The following SNX29 variants were observed in gnomAD, a reference collection of about 807,000 sequenced individuals.
SNX29 encodes sorting nexin-29.
SNX29 carries 78 observed loss-of-function variants against 102.1 expected under a neutral mutation model. The ratio of observed to expected loss-of-function variants is 0.76; its 90% confidence interval spans 0.64 to 0.92. The LOEUF is 0.92. Ranked by LOEUF, SNX29 falls within the 40% of genes least tolerant of loss-of-function variation. The pLI, the probability that SNX29 is intolerant of heterozygous loss-of-function variation, is 0.00. For synonymous variants in SNX29, 580 were observed against 414.5 expected (o/e 1.40, Z -4.85); for missense variants, 1,280 against 1,061.7 (o/e 1.21, Z -2.86).
rs564728716 is a variant in SNX29 at position 12,311,462 on chromosome 16, C to T, written c.1782+33426C>T. ...GTCCTCCTTTCCTGGCTCCTGGCTT[C>T]CTCTGCTGGCTGGACTGCACCATGC... On this transcript the variant is annotated intron_variant, in intron 15 of 20. Transcript: ENST00000566228. Among the ~76,000 whole-genome samples, 8 of 152,364 alleles carry T rather than the reference C, an allele frequency of 5.3e-5. No individual in the cohort carries two copies. In the South Asian group the frequency reaches 1.7e-3, roughly 32 times the overall value.
intron 16 of SNX29, among the ~76,000 whole-genome samples, chr16:12,385,203 C>T (rs1229341769): frequency 4.6e-5 from 7 of 152,068 alleles, no homozygotes; most frequent in African/African-American, 9.7e-5. Context: ...TGTGGGGACA[C>T]GGGAGAAGGG....
chr16:12,047,040 A>G (rs1010091862), intron 6 of SNX29, among the ~76,000 whole-genome samples: 6 of 152,156 alleles, frequency 3.9e-5, no homozygotes, highest in Admixed American at 6.5e-5. Context: ...TGGGAGACCT[A>G]CCTTTGAATC....
At chr16:12,514,965 C>G (rs985910702) in intron 19 of SNX29, among the ~76,000 whole-genome samples, 2 of 152,058 alleles carry the variant, frequency 1.3e-5, no homozygotes, top group African/African-American at 2.4e-5. Flanking sequence ...AAAAGCCCCT[C>G]TCTCGATGGG....
At chr16:12,362,398 C>A (rs1423015085) in intron 16 of SNX29, among the ~76,000 whole-genome samples, 1 of 152,160 alleles carries the variant, frequency 6.6e-6, no homozygotes, top group African/African-American at 2.4e-5. Flanking sequence ...CTCCTCCCAG[C>A]CTCCTCCACC....
At chr16:12,359,816 TTTTTA>T (rs1020296513) in intron 16 of SNX29, among the ~76,000 whole-genome samples, 2 of 152,280 alleles carry the variant, frequency 1.3e-5, no homozygotes, top group Non-Finnish European at 1.5e-5. Flanking sequence ...ATCACACCTA[TTTTTA>T]TTTTATTTAT....
rs367728075 is a variant in SNX29 at position 12,078,911 on chromosome 16, A to G, written c.1398A>G (p.Thr466=). The G allele has an allele frequency of 8.8e-5, 141 of 1,601,228 alleles. No individual in the cohort carries two copies. The highest frequency in any genetic ancestry group is 1.2e-4 in the Non-Finnish European group (139 of 1,174,112). Residue 466 remains threonine, a synonymous_variant, in exon 11 of 21, where the codon ACA becomes ACG. Transcript: ENST00000566228. The stretch of plus-strand genomic sequence containing the variant: ...CTGCCTCAGTGCCAGAGTCCATGAC[A>G]ATTAGTAAGTACTTTCGCAGCCCCC... ...LPSASVPESM[T]ISELRQATVA...
chr16:12,407,241 C>G (rs949182835), intron 18 of SNX29, among the ~76,000 whole-genome samples: 6 of 152,216 alleles, frequency 3.9e-5, no homozygotes, highest in Non-Finnish European at 8.8e-5. Flanking sequence ...TCTCTTACCT[C>G]TCATGTCCCT....
intron 3 of SNX29, among the ~76,000 whole-genome samples, chr16:12,009,198 T>C (rs977684375): frequency 2.0e-5 from 3 of 152,038 alleles, no homozygotes; most frequent in African/African-American, 7.2e-5. Context: ...AATAAGTAAA[T>C]AATAGTACAT....
At chr16:12,399,231 T>A (rs1248497033) in intron 17 of SNX29, among the ~76,000 whole-genome samples, 1 of 152,146 alleles carries the variant, frequency 6.6e-6, no homozygotes, top group Non-Finnish European at 1.5e-5. Flanking sequence ...TTATATTTTT[T>A]ACTAGAGATG....
intron 1 of SNX29, among the ~76,000 whole-genome samples, chr16:11,978,358 G>C (rs925506290): frequency 2.0e-5 from 3 of 152,222 alleles, no homozygotes; most frequent in Admixed American, 2.0e-4. Context: ...TTCAAATCTT[G>C]GCCCTGCCAC....
intron 19 of SNX29, among the ~76,000 whole-genome samples, chr16:12,481,553 CA>C (rs1567608761): frequency 0.011 from 1,336 of 124,832 alleles, 4 homozygotes; most frequent in Middle Eastern, 0.031. Context: ...CACACACACA[CA>C]CCCCAAATGT....
chr16:12,401,496 T>G (rs1308505920), intron 17 of SNX29, among the ~76,000 whole-genome samples: 1 of 151,404 alleles, frequency 6.6e-6, no homozygotes, highest in Non-Finnish European at 1.5e-5. Context: ...CCCAAGTAGC[T>G]GGGACTACAG....
At chr16:12,088,653 AAC>A (rs2052340287) in intron 11 of SNX29, among the ~76,000 whole-genome samples, 3 of 152,172 alleles carry the variant, frequency 2.0e-5, no homozygotes, top group Admixed American at 6.5e-5. Context: ...TTTCCATTCA[AAC>A]ACAATTTATG....
chr16:12,289,956 C>A (rs1372426709), intron 15 of SNX29, among the ~76,000 whole-genome samples: 1 of 152,080 alleles, frequency 6.6e-6, no homozygotes, highest in African/African-American at 2.4e-5. Context: ...AGCCTGCAGG[C>A]AACATAAAGG....
chr16:12,438,129 G>A (rs905179387), intron 18 of SNX29, among the ~76,000 whole-genome samples: 1 of 152,096 alleles, frequency 6.6e-6, no homozygotes, highest in African/African-American at 2.4e-5. Flanking sequence ...GGGCAGGAGT[G>A]GGGAGGTGAG....
At chr16:11,993,427 G>A (rs896624224) in intron 1 of SNX29, among the ~76,000 whole-genome samples, 1 of 152,118 alleles carries the variant, frequency 6.6e-6, no homozygotes. Flanking sequence ...TGGAGAGAAG[G>A]TAGCTAGTTG....
At chr16:12,193,501 G>C (rs1451672246) in intron 13 of SNX29, among the ~76,000 whole-genome samples, 1 of 150,390 alleles carries the variant, frequency 6.6e-6, no homozygotes, top group Non-Finnish European at 1.5e-5. Context: ...CTTTCACATA[G>C]CAAATCCAGT....
At chr16:12,268,341 G>T (rs1188938787) in intron 14 of SNX29, among the ~76,000 whole-genome samples, 1 of 152,196 alleles carries the variant, frequency 6.6e-6, no homozygotes, top group Non-Finnish European at 1.5e-5. Context: ...GTAGCTAGTT[G>T]TGTAGGAACT....
chr16:12,204,838 C>T (rs80126860), intron 14 of SNX29, among the ~76,000 whole-genome samples: 1 of 152,228 alleles, frequency 6.6e-6, no homozygotes, highest in Non-Finnish European at 1.5e-5. Context: ...GTCAGTTTCC[C>T]TGGGGTGAGT....
Sources: allele counts gnomAD v4.1 joint callset (sites outside exome capture counted in the v4.1 genomes callset), GRCh38; gene constraint gnomAD v4.1.1; transcripts MANE v1.5; gene names NCBI Gene and HGNC (gene_info 2026-07-23, HGNC 2026-07-21).